The following RAD51B variants were observed in gnomAD, a reference collection of about 807,000 sequenced individuals.
RAD51B encodes the protein DNA repair protein RAD51 homolog 2.
A neutral mutation model predicts 42.2 loss-of-function variants in RAD51B; 38 were observed. That is an observed-to-expected ratio of 0.90 (90% confidence interval 0.70 to 1.18). The LOEUF (loss-of-function observed/expected upper bound fraction) is 1.18, where lower values mean the gene tolerates loss of function less well. Among genes scored for constraint, RAD51B ranks in the 50% most tolerant of loss-of-function variants. The pLI is 0.00. For synonymous variants in RAD51B, 154 were observed against 145.2 expected, an observed-to-expected ratio of 1.06 and a Z score of -0.43; for missense variants, 373 against 400.7, an observed-to-expected ratio of 0.93 and a Z score of 0.59.
intron 7 of RAD51B, among the ~76,000 whole-genome samples, chr14:68,032,445 C>T (rs2076062475): frequency 6.6e-6 from 1 of 152,082 alleles, no homozygotes; most frequent in South Asian, 2.1e-4. Context: ...CTTTTCCACC[C>T]CTTTCTCTCC....
At chr14:68,484,587 G>T (rs1164545989) in intron 10 of RAD51B, among the ~76,000 whole-genome samples, 1 of 152,014 alleles carries the variant, frequency 6.6e-6, no homozygotes, top group African/African-American at 2.4e-5. Context: ...TTGATCTCCT[G>T]ACCTCGTGAT....
intron 4 of RAD51B, among the ~76,000 whole-genome samples, chr14:67,862,874 T>G (rs889480047): frequency 6.6e-6 from 1 of 152,102 alleles, no homozygotes; most frequent in Non-Finnish European, 1.5e-5. Flanking sequence ...TAATTTTTAA[T>G]TCATACTTTG....
chr14:68,262,282 G>T (rs2139551745), intron 7 of RAD51B, among the ~76,000 whole-genome samples: 1 of 152,232 alleles, frequency 6.6e-6, no homozygotes, highest in Admixed American at 6.5e-5. Context: ...TGTGGCTGGG[G>T]CAGTATCATT....
Position 67,823,525 on chromosome 14 carries a change from C to CT in RAD51B, c.-2-14dup, listed in dbSNP as rs2040706502. ...TTGTTTTTTTCATGGTTCTTCTTTTCTTTGCTGGATCTGGAGGCATGGGTA... is the reference window on the plus strand; with the variant it reads ...TTGTTTTTTTCATGGTTCTTCTTTTCTTTTGCTGGATCTGGAGGCATGGGTA... On this transcript the variant is annotated splice_polypyrimidine_tract_variant and intron_variant, in intron 1 of 10. Coordinates refer to ENST00000471583, the MANE Select transcript of RAD51B (RefSeq NM_133510.4). 9 of 1,605,936 alleles carry CT rather than the reference C, an allele frequency of 5.6e-6. No individual in the cohort carries two copies. The highest frequency in any genetic ancestry group is 6.8e-6 in the Non-Finnish European group (8 of 1,175,892).
intron 4 of RAD51B, among the ~76,000 whole-genome samples, chr14:67,852,742 C>G (rs1179239326): frequency 3.3e-5 from 5 of 152,024 alleles, no homozygotes; most frequent in Non-Finnish European, 7.4e-5. Flanking sequence ...CTGATATATG[C>G]ATGTGTGTAA....
intron 8 of RAD51B, among the ~76,000 whole-genome samples, chr14:68,365,072 C>T (rs572629053): frequency 3.2e-4 from 48 of 152,156 alleles, no homozygotes; most frequent in African/African-American, 1.1e-3. Context: ...CTCATCCTAT[C>T]CTGGGTCTGA....
chr14:68,138,426 G>A (rs983599634), intron 7 of RAD51B, among the ~76,000 whole-genome samples: 1 of 152,032 alleles, frequency 6.6e-6, no homozygotes, highest in African/African-American at 2.4e-5. Context: ...TTAAAATAGG[G>A]CAATTACCAA....
chr14:68,063,661 A>G (rs556434725), intron 7 of RAD51B, among the ~76,000 whole-genome samples: 5 of 152,146 alleles, frequency 3.3e-5, no homozygotes, highest in Non-Finnish European at 7.4e-5. Context: ...ACTTGAACCC[A>G]GGAGGCGGAG....
At chr14:68,469,446 C>T (rs2086067964) in intron 10 of RAD51B, among the ~76,000 whole-genome samples, 1 of 152,212 alleles carries the variant, frequency 6.6e-6, no homozygotes, top group South Asian at 2.1e-4. Flanking sequence ...ACTCTCAGGT[C>T]CACGAAATTT....
chr14:67,888,573 A>G (rs567934875), intron 7 of RAD51B, among the ~76,000 whole-genome samples: 110 of 152,102 alleles, frequency 7.2e-4, no homozygotes, highest in Non-Finnish European at 1.3e-3. Flanking sequence ...AGCCTGGGAG[A>G]CAGAGTGAGA....
intron 10 of RAD51B, among the ~76,000 whole-genome samples, chr14:68,489,966 A>G (rs188604442): frequency 3.7e-4 from 56 of 152,324 alleles, no homozygotes; most frequent in Admixed American, 3.7e-3. Flanking sequence ...TGTGAATGGA[A>G]CATGCAGAGA....
intron 7 of RAD51B, among the ~76,000 whole-genome samples, chr14:67,961,906 T>G (rs889046986): frequency 6.6e-6 from 1 of 152,184 alleles, no homozygotes; most frequent in African/African-American, 2.4e-5. Context: ...TCTGATAAAG[T>G]TAGATAAAAG....
intron 10 of RAD51B, among the ~76,000 whole-genome samples, chr14:68,586,081 C>T (rs1236488629): frequency 7.1e-6 from 1 of 140,650 alleles, no homozygotes; most frequent in Non-Finnish European, 1.5e-5. Flanking sequence ...ACCCCCATCA[C>T]CTCCTAGCCT....
chr14:67,865,279 C>CT, intron 5 of RAD51B, 140 bp downstream of exon 5: 1 of 861,572 alleles, frequency 1.2e-6, no homozygotes, highest in Non-Finnish European at 1.6e-6. Context: ...GCTCTGTTGC[C>CT]GGGCTGGAGT....
At chr14:68,336,929 A>G (rs2082466689) in intron 8 of RAD51B, among the ~76,000 whole-genome samples, 1 of 152,150 alleles carries the variant, frequency 6.6e-6, no homozygotes, top group Non-Finnish European at 1.5e-5. Context: ...TTTCCTTTTT[A>G]TGGTTGTTTA....
chr14:68,265,435 TG>T (rs1456653440), intron 7 of RAD51B, among the ~76,000 whole-genome samples: 2 of 152,104 alleles, frequency 1.3e-5, no homozygotes, highest in African/African-American at 4.8e-5. Context: ...CCCAGACCAG[TG>T]GGGCAGACTG....
chr14:68,094,462 A>C (rs1456717184), intron 7 of RAD51B, among the ~76,000 whole-genome samples: 1 of 152,248 alleles, frequency 6.6e-6, no homozygotes, highest in Non-Finnish European at 1.5e-5. Context: ...AAAGAAGGCT[A>C]TTCATAGCAT....
At chr14:68,386,125 A>AT (rs1354909662) in intron 8 of RAD51B, among the ~76,000 whole-genome samples, 2 of 152,124 alleles carry the variant, frequency 1.3e-5, no homozygotes, top group African/African-American at 4.8e-5. Flanking sequence ...TTTGGAGGTT[A>AT]TTGTTGCCCC....
At chr14:68,443,495 C>CA (rs2085349915) in intron 9 of RAD51B, among the ~76,000 whole-genome samples, 2 of 151,886 alleles carry the variant, frequency 1.3e-5, no homozygotes, top group African/African-American at 4.8e-5. Flanking sequence ...ACATGATGAC[C>CA]AAAAAAATTC....
Sources: allele counts gnomAD v4.1 joint callset (sites outside exome capture counted in the v4.1 genomes callset), GRCh38; gene constraint gnomAD v4.1.1; transcripts MANE v1.5; gene names NCBI Gene and HGNC (gene_info 2026-07-23, HGNC 2026-07-21).